Variants in KANK2 observed in about 807,000 individuals in gnomAD.
KANK2 encodes KN motif and ankyrin repeat domain-containing protein 2.
In KANK2, 41 loss-of-function variants were observed where a neutral mutation model predicts 74.6. That is an observed-to-expected ratio of 0.55 (90% CI 0.43 to 0.71). KANK2 has a LOEUF of 0.71. Among genes scored for constraint, KANK2 ranks in the 30% least tolerant of loss-of-function variants. KANK2 has a pLI of 0.00. For missense variants in KANK2, 1,148 were observed against 1,196.4 expected (o/e 0.96, Z 0.60); for synonymous variants, 537 against 519.0 (o/e 1.03, Z -0.47).
intron 12 of KANK2, among the ~76,000 whole-genome samples, chr19:11,167,344 C>T (rs553101112): frequency 1.3e-5 from 2 of 151,990 alleles, no homozygotes; most frequent in East Asian, 3.9e-4. Flanking sequence ...AGATTACAGG[C>T]GTGAGCCACC....
rs898884362 is a variant in KANK2 at position 11,178,553 on chromosome 19, C to T, written c.1417G>A (p.Gly473Ser). The T allele has an allele frequency of 5.6e-6, 9 of 1,603,592 alleles. No homozygotes were observed. Among genetic ancestry groups the T allele is most frequent in the Middle Eastern group, 1.7e-4 (1 of 6,038 alleles). The change falls in exon 5 of 13, where the codon GGC becomes AGC. Residue 473 changes from glycine to serine, a missense_variant and splice_region_variant. By Grantham distance (56) the Gly-to-Ser change is moderately conservative. Transcript: ENST00000586659. Reference sequence around the variant, plus strand: ...CTCTTGGCGGCCACCCACCACTTACCGGTGCCCCCGGCCTCCTCGGACTCT... The same window carrying T: ...CTCTTGGCGGCCACCCACCACTTACTGGTGCCCCCGGCCTCCTCGGACTCT... Reference protein sequence around the residue: ...SQESEEAGGTGGPPAGVRSIM... With the variant: ...SQESEEAGGTSGPPAGVRSIM...
chr19:11,177,261 A>T (rs952958750), intron 6 of KANK2, among the ~76,000 whole-genome samples: 7 of 151,228 alleles, frequency 4.6e-5, no homozygotes, highest in African/African-American at 1.5e-4. Context: ...TAATTTTTGT[A>T]TTTTTTAGTA....
intron 4 of KANK2, among the ~76,000 whole-genome samples, chr19:11,179,423 G>C (rs1214569740): frequency 1.5e-4 from 23 of 151,780 alleles, no homozygotes; most frequent in Admixed American, 1.2e-3. Context: ...CAGATCACGA[G>C]GTCAGGAGTT....
intron 12 of KANK2, among the ~76,000 whole-genome samples, 196 bp from the exon 13 acceptor site, chr19:11,166,807 G>A (rs2078035373): frequency 6.6e-6 from 1 of 152,198 alleles, no homozygotes; most frequent in Admixed American, 6.5e-5. Flanking sequence ...TTCACCGGGG[G>A]TGAGGGATGC....
intron 4 of KANK2, among the ~76,000 whole-genome samples, chr19:11,183,271 A>C (rs2078580544): frequency 6.6e-6 from 1 of 152,206 alleles, no homozygotes; most frequent in Non-Finnish European, 1.5e-5. Flanking sequence ...TGAGGGTAAG[A>C]CAGAGGGGGT....
chr19:11,179,583 A>G (rs1467911848), intron 4 of KANK2, among the ~76,000 whole-genome samples: 5 of 151,946 alleles, frequency 3.3e-5, no homozygotes, highest in African/African-American at 1.2e-4. Context: ...GGTTGCAGTG[A>G]GCAGAGATCA....
In KANK2 at chr19:11,167,530, AT is replaced by A. The variant is rs200058470; in HGVS notation, c.2503-920del. Among the ~76,000 whole-genome samples, 491 of 140,590 alleles carry A rather than the reference AT, an allele frequency of 3.5e-3. 3 individuals are homozygous for A. Among genetic ancestry groups the A allele is most frequent in the Middle Eastern group, 0.011 (3 of 264 alleles). The allele number at this position is 140,590 out of a possible 152,430, so 92.2% of individuals were successfully genotyped here. ...AGGCATGCACCACCAGGCCCAGCTA[AT>A]TTTTTTTTTTTTTTGAGGCGGAATC... is the stretch of plus-strand genomic sequence containing the variant. On this transcript the variant is annotated intron_variant, in intron 12 of 12. Coordinates refer to ENST00000586659, the MANE Select transcript of KANK2 (RefSeq NM_001136191.3).
In KANK2 at chr19:11,193,158, C is replaced by A; in HGVS notation, c.922G>T (p.Ala308Ser). 6.2e-7 allele frequency: 1 copy of A among 1,609,860 alleles called. No homozygotes were observed. Among genetic ancestry groups the A allele is most frequent in the Non-Finnish European group, 8.5e-7 (1 of 1,178,868 alleles). The change falls in exon 4 of 13, where the codon GCC becomes TCC. Residue 308 changes from alanine (A) to serine (S), a missense_variant. By Grantham distance (99) the Ala-to-Ser change is moderately conservative. Transcript: ENST00000586659. This position sits in a 1 kb window ranked among gnomAD's most constrained non-coding sequence, Gnocchi z 9.6. Reference sequence around the variant, plus strand: ...TGGGGCTGGGGGTCAGCCTGCCGGGCCTGAGCTGCCTGCAGCTCCTGCAGC... The same window carrying A: ...TGGGGCTGGGGGTCAGCCTGCCGGGACTGAGCTGCCTGCAGCTCCTGCAGC... ...KALQELQAAQ[A>S]RQADPQPQAW...
chr19:11,178,597 G>GT lies in KANK2; in HGVS notation c.1372dup (p.Thr458AsnfsTer52). 2 of 1,603,932 alleles carry GT rather than the reference G, an allele frequency of 1.2e-6. No individual in the cohort carries two copies. Among genetic ancestry groups the GT allele is most frequent in the Non-Finnish European group, 1.7e-6 (2 of 1,175,992 alleles). ...GGACTCTTGGGAGGCTGCTTGCCTG[G>GT]TGGGCTCCCTGTGGGTGGGCTCCTG... On this transcript the variant is annotated frameshift_variant, in exon 5 of 13. Transcript: ENST00000586659. LOFTEE classifies it high-confidence loss of function.
chr19:11,170,157 T>C lies in KANK2; in HGVS notation c.2303A>G (p.Gln768Arg), dbSNP rs2078133848. The C allele has an allele frequency of 7.4e-6, 12 of 1,612,452 alleles. No homozygotes were observed. The East Asian group carries it at 2.7e-4, about 36-fold the overall frequency. ...GAGGGCCGTGGAGCCGTCATCATCT[T>C]GCACGTTGACATCTGCCTCACAGGC... ...LLACEADVNV[Q>R]DDDGSTALMC... Residue 768 changes from glutamine to arginine, a missense_variant, in exon 11 of 13, where the codon CAA (glutamine) becomes CGA (arginine). Coordinates refer to ENST00000586659, the MANE Select transcript of KANK2 (RefSeq NM_001136191.3). The surrounding 1 kb of genome is among the most constrained non-coding windows in gnomAD (Gnocchi z 5.2).
chr19:11,178,933 A>G (rs1273436333), intron 4 of KANK2, among the ~76,000 whole-genome samples: 2 of 152,192 alleles, frequency 1.3e-5, no homozygotes, highest in Non-Finnish European at 2.9e-5. Context: ...CAGGTGGCAG[A>G]ATCCAGTTTG....
intron 6 of KANK2, among the ~76,000 whole-genome samples, chr19:11,177,683 A>T (rs897913113): frequency 6.6e-6 from 1 of 151,426 alleles, no homozygotes; most frequent in Non-Finnish European, 1.5e-5. Context: ...GGTGATTCAG[A>T]CTCCTGTTCC....
intron 2 of KANK2, chr19:11,195,035 G>C (rs2078977381): frequency 6.4e-6 from 1 of 156,254 alleles, no homozygotes; most frequent in African/African-American, 2.4e-5. Flanking sequence ...CAGAGACGCA[G>C]GGGGACAAAG....
Position 11,166,500 on chromosome 19 carries a change from G to T in KANK2, c.*58C>A. The stretch of plus-strand genomic sequence containing the variant: ...GCCAGGGAGGAACGGGAACAGGGAG[G>T]AGACGGGGACAAGGGACGGTTTGCT... On this transcript the variant is annotated 3_prime_UTR_variant, in exon 13 of 13. Transcript: ENST00000586659. The T allele has an allele frequency of 6.7e-7, 1 of 1,496,526 alleles. No individual in the cohort carries two copies. The highest frequency in any genetic ancestry group is 1.4e-5 in the African/African-American group (1 of 72,270). 92.7% of individuals were successfully genotyped at this position (1,496,526 alleles called of 1,614,324 possible).
chr19:11,189,535 C>T (rs898976007), intron 4 of KANK2, among the ~76,000 whole-genome samples: 2 of 117,954 alleles, frequency 1.7e-5, no homozygotes, highest in Admixed American at 1.2e-4. Context: ...ACTCGGGAGG[C>T]GGGGGTTGCA....
At position 11,178,616 on chromosome 19, in the gene KANK2, G is replaced by A. The variant is rs2078420776; in HGVS notation, c.1354C>T (p.Pro452Ser). Reference protein sequence around the residue: ...KSTGRVPTQEPTHREPTRQAA... With the variant: ...KSTGRVPTQESTHREPTRQAA... ...TGCCTGGTGGGCTCCCTGTGGGTGG[G>A]CTCCTGGGTGGGCACTCGGCCTGTG... is the stretch of plus-strand genomic sequence containing the variant. Residue 452 changes from proline to serine, a missense_variant, in exon 5 of 13, where the codon CCC becomes TCC. Pro to Ser is a moderately conservative substitution (Grantham distance 74). Transcript: ENST00000586659. 2 of 1,599,572 alleles carry A rather than the reference G, an allele frequency of 1.3e-6. No homozygotes were observed. Among genetic ancestry groups the A allele is most frequent in the Non-Finnish European group, 1.7e-6 (2 of 1,174,574 alleles).
intron 4 of KANK2, among the ~76,000 whole-genome samples, chr19:11,181,113 A>AAAAAAAAAAG (rs1347678650): frequency 1.2e-4 from 12 of 98,340 alleles, no homozygotes; most frequent in African/African-American, 4.2e-4. Flanking sequence ...AAAAAAAAAA[A>AAAAAAAAAAG]AAATTCTGGG....
chr19:11,166,658 C>G, intron 12 of KANK2, 47 bp from the exon 13 acceptor site: 1 of 1,591,646 alleles, frequency 6.3e-7, no homozygotes, highest in African/African-American at 1.3e-5. Flanking sequence ...CCTTTCCAAT[C>G]CCCCGAGGCG....
intron 4 of KANK2, among the ~76,000 whole-genome samples, chr19:11,187,787 C>T (rs902053888): frequency 1.3e-5 from 2 of 151,940 alleles, no homozygotes; most frequent in Non-Finnish European, 2.9e-5. Context: ...ATTAAGTATA[C>T]GTCAATAAAA....
Sources: allele counts gnomAD v4.1 joint callset (sites outside exome capture counted in the v4.1 genomes callset), GRCh38; gene constraint gnomAD v4.1.1; non-coding constraint Gnocchi (gnomAD v3.1); transcripts MANE v1.5; gene names NCBI Gene and HGNC (gene_info 2026-07-23, HGNC 2026-07-21).